The following RRM2B variants were observed in gnomAD, a reference collection of about 807,000 sequenced individuals.
The protein encoded by RRM2B is ribonucleoside-diphosphate reductase subunit M2 B.
A neutral mutation model predicts 45.9 loss-of-function variants in RRM2B; 20 were observed. The ratio of observed to expected loss-of-function variants is 0.44; its 90% confidence interval spans 0.31 to 0.63. The LOEUF is 0.63. Ranked by LOEUF, RRM2B falls within the 30% of genes least tolerant of loss-of-function variation. RRM2B has a pLI of 0.09. For missense variants in RRM2B, 320 were observed against 414.7 expected (o/e 0.77, Z 1.98); for synonymous variants, 124 against 132.3 (o/e 0.94, Z 0.43).
At chr8:102,209,229 G>T (rs921751522) in intron 8 of RRM2B, among the ~76,000 whole-genome samples, 1 of 152,062 alleles carries the variant, frequency 6.6e-6, no homozygotes, top group South Asian at 2.1e-4. Context: ...TTCACAAGGA[G>T]TAACAAAAGA....
At chr8:102,230,919 C>T (rs956089576) in intron 2 of RRM2B, among the ~76,000 whole-genome samples, 7 of 152,204 alleles carry the variant, frequency 4.6e-5, no homozygotes, top group African/African-American at 1.4e-4. Context: ...GTAACTTTCC[C>T]AGTTCCATAG....
Position 102,225,927 on chromosome 8 carries a change from AT to A in RRM2B, c.311del (p.Asn104MetfsTer38). On this transcript the variant is annotated frameshift_variant, in exon 3 of 9. Coordinates refer to ENST00000251810, the MANE Select transcript of RRM2B (RefSeq NM_015713.5). LOFTEE classifies it high-confidence loss of function. ...CAAGCAAAAATCTTACCAAATTTTC[AT>A]TTACAATTCCATCACTGGCTGCAAA... ...AFFAASDGIV[N>X]ENLVERFSQE... The A allele has an allele frequency of 6.3e-7, 1 of 1,590,000 alleles. No individual in the cohort carries two copies. Among genetic ancestry groups the A allele is most frequent in the African/African-American group, 1.3e-5 (1 of 74,546 alleles).
intron 2 of RRM2B, 144 bp from the exon 3 acceptor site, chr8:102,226,178 TAAA>T: frequency 3.6e-6 from 2 of 560,878 alleles, no homozygotes; most frequent in Middle Eastern, 9.6e-4. Flanking sequence ...TGCAAAGAAA[TAAA>T]AAAAAAAGTT....
chr8:102,228,811 G>A (rs2132558984), intron 2 of RRM2B, among the ~76,000 whole-genome samples: 1 of 152,336 alleles, frequency 6.6e-6, no homozygotes, highest in Non-Finnish European at 1.5e-5. Flanking sequence ...GCTCCAGCAT[G>A]CGCATTCCAG....
intron 5 of RRM2B, among the ~76,000 whole-genome samples, chr8:102,220,249 A>G (rs1810807430): frequency 6.6e-6 from 1 of 152,090 alleles, no homozygotes; most frequent in Admixed American, 6.5e-5. Context: ...AATCATCATC[A>G]TCATCACTAT....
At position 102,208,218 on chromosome 8, in the gene RRM2B, A is replaced by G. The variant is rs1343432124; in HGVS notation, c.971T>C (p.Phe324Ser). 6.2e-7 allele frequency: 1 copy of G among 1,609,468 alleles called. No homozygotes were observed. Among genetic ancestry groups the G allele is most frequent in the Non-Finnish European group, 8.5e-7 (1 of 1,176,014 alleles). Residue 324 changes from phenylalanine to serine, a missense_variant, in exon 9 of 9, where the codon TTT becomes TCT. Phe to Ser is a radical substitution (Grantham distance 155). Around this residue, in one of 3 missense-constraint regions of RRM2B, gnomAD observed 47 missense variants for 90.0 expected, o/e 0.52. Coordinates refer to ENST00000251810, the MANE Select transcript of RRM2B (RefSeq NM_015713.5). ...CTGATACTCTGAAACTCGTTTCTCA[A>G]AGAAATTTGTTTTTCCTTCTAAAGA... The part of the protein sequence containing the change: ...NISLEGKTNF[F>S]EKRVSEYQRF...
chr8:102,216,329 G>T (rs1334579084), intron 6 of RRM2B, among the ~76,000 whole-genome samples: 1 of 151,628 alleles, frequency 6.6e-6, no homozygotes, highest in Non-Finnish European at 1.5e-5. Flanking sequence ...AGACTTAAAG[G>T]TTAAAAAACC....
chr8:102,213,433 C>T (rs1810669499), intron 7 of RRM2B, among the ~76,000 whole-genome samples: 1 of 152,126 alleles, frequency 6.6e-6, no homozygotes, highest in Admixed American at 6.5e-5. Context: ...ATTTAGTTCT[C>T]AAAATGATTA....
At chr8:102,220,206 T>A (rs1204480954) in intron 5 of RRM2B, among the ~76,000 whole-genome samples, 2 of 152,142 alleles carry the variant, frequency 1.3e-5, no homozygotes, top group African/African-American at 4.8e-5. Context: ...ACCACTGCAC[T>A]CCAGCTGGGC....
At chr8:102,213,870 T>G (rs1382984861) in intron 7 of RRM2B, among the ~76,000 whole-genome samples, 184 bp downstream of exon 7, 2 of 152,212 alleles carry the variant, frequency 1.3e-5, no homozygotes, top group Non-Finnish European at 2.9e-5. Flanking sequence ...AAGACTGACT[T>G]ACTAAAGCAA....
intron 6 of RRM2B, chr8:102,214,509 G>A (rs1810691958): frequency 5.1e-5 from 13 of 253,470 alleles, no homozygotes; most frequent in South Asian, 8.5e-5. Context: ...AAATAATTAA[G>A]GAATGATTGA....
In RRM2B at chr8:102,224,150, CA is replaced by C. The variant is rs1187447687; in HGVS notation, c.456-11del. The C allele has an allele frequency of 2.0e-6, 3 of 1,515,542 alleles. No individual in the cohort carries two copies. The highest frequency in any genetic ancestry group is 2.7e-6 in the Non-Finnish European group (3 of 1,093,310). The allele number at this position is 1,515,542 out of a possible 1,614,324, so 93.9% of individuals were successfully genotyped here. ...ATTAAATAAAAATTCCCTGTAAAAA[CA>C]AAAGAATGAACAGCAAAGTTATTCA... On this transcript the variant is annotated splice_polypyrimidine_tract_variant and intron_variant, in intron 4 of 8. Coordinates refer to ENST00000251810, the MANE Select transcript of RRM2B (RefSeq NM_015713.5).
rs147839097 is a variant in RRM2B at position 102,211,004 on chromosome 8, CAGAG to C, written c.903+1768_903+1771del. Among the ~76,000 whole-genome samples the C allele has an allele frequency of 1.5e-3, 223 of 148,256 alleles. 1 individual carries two copies. Among genetic ancestry groups the C allele is most frequent in the South Asian group, 5.2e-3 (24 of 4,648 alleles). ...ATTTTAAAGGAGATACATGTATATG[CAGAG>C]AGAGAGAGAGAGAGAGCGAGAGAGA... On this transcript the variant is annotated intron_variant, in intron 8 of 8. Transcript: ENST00000251810.
intron 3 of RRM2B, 38 bp from the exon 4 acceptor site, chr8:102,225,056 A>G: frequency 6.2e-7 from 1 of 1,610,766 alleles, no homozygotes; most frequent in Non-Finnish European, 8.5e-7. Flanking sequence ...CCAGTTCTAT[A>G]GGCTCTCATT....
rs1163500164 is a variant in RRM2B at position 102,229,351 on chromosome 8, T to C, written c.204+2798A>G. Reference sequence around the variant, plus strand: ...AAAAAGGACTAATGTCCCAATCTTTTAATCACATGCTATTTTCCAAATCCT... The same window carrying C: ...AAAAAGGACTAATGTCCCAATCTTTCAATCACATGCTATTTTCCAAATCCT... On this transcript the variant is annotated intron_variant, in intron 2 of 8. Coordinates refer to ENST00000251810, the MANE Select transcript of RRM2B (RefSeq NM_015713.5). 2.0e-5 allele frequency among the ~76,000 whole-genome samples: 3 copies of C among 152,214 alleles called. No individual in the cohort carries two copies. In the East Asian group the frequency reaches 5.8e-4, roughly 29 times the overall value.
intron 8 of RRM2B, 49 bp downstream of exon 8, chr8:102,212,727 C>T: frequency 3.1e-6 from 3 of 972,338 alleles, no homozygotes; most frequent in Non-Finnish European, 5.0e-6. Flanking sequence ...AGGGTCCTTG[C>T]TTTCCTATAA....
intron 1 of RRM2B, chr8:102,238,598 C>A: frequency 6.5e-7 from 1 of 1,527,150 alleles, no homozygotes; most frequent in Non-Finnish European, 8.8e-7. Flanking sequence ...TGGCTGGCCC[C>A]GGGGCAGAGC....
chr8:102,210,187 T>C (rs113018395), intron 8 of RRM2B, among the ~76,000 whole-genome samples: 8 of 152,330 alleles, frequency 5.3e-5, no homozygotes, highest in African/African-American at 1.9e-4. Flanking sequence ...TAAATAAAGC[T>C]TTAAATATTT....
intron 2 of RRM2B, among the ~76,000 whole-genome samples, chr8:102,228,355 A>T (rs1006451585): frequency 7.2e-5 from 11 of 152,078 alleles, no homozygotes; most frequent in Admixed American, 3.9e-4. Context: ...AGCCACTTTC[A>T]TTGGCAACAA....
Sources: allele counts gnomAD v4.1 joint callset (sites outside exome capture counted in the v4.1 genomes callset), GRCh38; gene constraint gnomAD v4.1.1; regional missense constraint gnomAD v4.1.1; transcripts MANE v1.5; gene names NCBI Gene and HGNC (gene_info 2026-07-23, HGNC 2026-07-21).